The following CNTN5 variants were observed in gnomAD, a reference collection of about 807,000 sequenced individuals.
CNTN5 encodes contactin 5.
Under a neutral mutation model 129.1 loss-of-function variants are expected in CNTN5, and 77 were observed. The observed-to-expected ratio is 0.60, with a 90% CI of 0.50 to 0.72. The LOEUF (loss-of-function observed/expected upper bound fraction) is 0.72. Ranked by LOEUF, CNTN5 falls within the 30% of genes least tolerant of loss-of-function variation. The pLI is 0.00. For missense variants in CNTN5, 1,478 were observed against 1,328.8 expected, an observed-to-expected ratio of 1.11 and a Z score of -1.75; for synonymous variants, 509 against 465.6, an observed-to-expected ratio of 1.09 and a Z score of -1.20.
rs1465378990 is a variant in CNTN5 at position 100,161,348 on chromosome 11, T to C, written c.1581-29778T>C. Reference sequence around the variant, plus strand: ...GAGAATCAGACAATTGAAGGACATTTCTAGCAGACTGACTTGGTAAATATT... The same window carrying C: ...GAGAATCAGACAATTGAAGGACATTCCTAGCAGACTGACTTGGTAAATATT... On this transcript the variant is annotated intron_variant, in intron 13 of 24. Transcript: ENST00000524871. 4.6e-5 allele frequency among the ~76,000 whole-genome samples: 7 copies of C among 151,866 alleles called. No individual in the cohort carries two copies. In the East Asian group the frequency reaches 1.4e-3, roughly 29 times the overall value.
intron 2 of CNTN5, among the ~76,000 whole-genome samples, chr11:99,442,317 G>C (rs575113897): frequency 6.6e-6 from 1 of 152,120 alleles, no homozygotes. Context: ...TTACAGGCAT[G>C]TGCCACCATG....
At chr11:99,741,855 T>G (rs1943897595) in intron 3 of CNTN5, among the ~76,000 whole-genome samples, 1 of 152,148 alleles carries the variant, frequency 6.6e-6, no homozygotes, top group African/African-American at 2.4e-5. Flanking sequence ...TTATACATTA[T>G]TATATAGACA....
intron 2 of CNTN5, among the ~76,000 whole-genome samples, chr11:99,467,181 A>C (rs1484920880): frequency 6.6e-6 from 1 of 152,170 alleles, no homozygotes; most frequent in Non-Finnish European, 1.5e-5. Context: ...AAACAAACTG[A>C]TATAAAACAA....
chr11:99,879,614 C>A (rs1325878994), intron 6 of CNTN5, among the ~76,000 whole-genome samples: 1 of 152,032 alleles, frequency 6.6e-6, no homozygotes, highest in Non-Finnish European at 1.5e-5. Flanking sequence ...TGATTTGTTT[C>A]ATTTTGTTTT....
intron 6 of CNTN5, among the ~76,000 whole-genome samples, chr11:99,849,156 T>C (rs995188609): frequency 6.6e-6 from 1 of 151,824 alleles, no homozygotes; most frequent in African/African-American, 2.4e-5. Flanking sequence ...TATACTAACA[T>C]AATATCAAAT....
At chr11:100,348,378 G>A (rs1295973561) in intron 23 of CNTN5, among the ~76,000 whole-genome samples, 1 of 151,830 alleles carries the variant, frequency 6.6e-6, no homozygotes, top group Admixed American at 6.6e-5. Context: ...CATCTCCCTG[G>A]ATATATTGGC....
rs140949121 is a variant in CNTN5 at position 99,162,908 on chromosome 11, G to A, written c.-210+141638G>A. The stretch of plus-strand genomic sequence containing the variant: ...AAGGCAACCATTTGTCAATTTAAAC[G>A]GGTAAGTTTTACCTTTTGTTTTTAG... On this transcript the variant is annotated intron_variant, in intron 1 of 24. Transcript: ENST00000524871. Among the ~76,000 whole-genome samples, 325 of 152,268 alleles carry A rather than the reference G, an allele frequency of 2.1e-3. 2 individuals are homozygous for A. Among genetic ancestry groups the A allele is most frequent in the African/African-American group, 7.6e-3 (316 of 41,544 alleles).
chr11:99,120,007 T>A (rs1858229399), intron 1 of CNTN5, among the ~76,000 whole-genome samples: 1 of 152,206 alleles, frequency 6.6e-6, no homozygotes, highest in Admixed American at 6.5e-5. Context: ...AAGTTCTGTG[T>A]AGATGCTGGA....
intron 3 of CNTN5, among the ~76,000 whole-genome samples, chr11:99,805,062 A>C (rs1268078840): frequency 6.6e-6 from 1 of 152,136 alleles, no homozygotes; most frequent in Non-Finnish European, 1.5e-5. Context: ...AATGGAATAT[A>C]TAAATTTCGA....
intron 1 of CNTN5, among the ~76,000 whole-genome samples, chr11:99,257,246 C>T (rs1414530457): frequency 3.3e-5 from 5 of 152,056 alleles, no homozygotes; most frequent in Non-Finnish European, 7.4e-5. Context: ...GGAAAAGGTG[C>T]CATGTGAATA....
chr11:100,031,486 C>T (rs1367278866), intron 9 of CNTN5, among the ~76,000 whole-genome samples: 1 of 152,144 alleles, frequency 6.6e-6, no homozygotes, highest in Non-Finnish European at 1.5e-5. Flanking sequence ...GGGCGCCTGT[C>T]CATACAGATA....
At chr11:99,328,907 GAA>G (rs59341657) in intron 2 of CNTN5, among the ~76,000 whole-genome samples, 1 of 140,118 alleles carries the variant, frequency 7.1e-6, no homozygotes, top group African/African-American at 2.7e-5. Context: ...ACAGGAAAAA[GAA>G]AAAAAAACCT....
chr11:99,893,988 C>T (rs1747117706), intron 6 of CNTN5, among the ~76,000 whole-genome samples: 2 of 151,974 alleles, frequency 1.3e-5, no homozygotes, highest in Admixed American at 6.6e-5. Context: ...GTTGCCACTG[C>T]CTTGCCAGGG....
chr11:99,211,060 C>G (rs1859750826), intron 1 of CNTN5, among the ~76,000 whole-genome samples: 1 of 152,260 alleles, frequency 6.6e-6, no homozygotes, highest in African/African-American at 2.4e-5. Flanking sequence ...GAGACAACAT[C>G]ACTGTCACCT....
At chr11:100,285,844 C>G (rs1426930995) in intron 18 of CNTN5, among the ~76,000 whole-genome samples, 1 of 152,158 alleles carries the variant, frequency 6.6e-6, no homozygotes, top group Non-Finnish European at 1.5e-5. Context: ...ATCTGAGGTA[C>G]CGGGTTCATC....
chr11:99,308,231 GT>G (rs1296009289), intron 1 of CNTN5, among the ~76,000 whole-genome samples: 5 of 152,026 alleles, frequency 3.3e-5, no homozygotes, highest in Non-Finnish European at 7.4e-5. Context: ...TCTTCCATCA[GT>G]TCAAGAAATA....
chr11:99,849,148 T>C (rs1251481010), intron 6 of CNTN5, among the ~76,000 whole-genome samples: 1 of 151,850 alleles, frequency 6.6e-6, no homozygotes, highest in African/African-American at 2.4e-5. Context: ...GTTATCCATA[T>C]ACTAACATAA....
intron 2 of CNTN5, among the ~76,000 whole-genome samples, chr11:99,450,299 T>A (rs1210686020): frequency 6.6e-6 from 1 of 151,068 alleles, no homozygotes; most frequent in Non-Finnish European, 1.5e-5. Flanking sequence ...TGTGTATGTA[T>A]GTATATGTAT....
chr11:100,057,960 T>C (rs1257656182), intron 9 of CNTN5, among the ~76,000 whole-genome samples: 4 of 152,070 alleles, frequency 2.6e-5, no homozygotes, highest in South Asian at 2.1e-4. Flanking sequence ...TACGTTACAA[T>C]TGAGAAACCT....
Sources: gnomAD v4.1 joint callset for allele counts (sites outside exome capture counted in the v4.1 genomes callset) on GRCh38, gnomAD v4.1.1 for gene constraint, MANE v1.5 for transcripts, NCBI Gene and HGNC (gene_info 2026-07-23, HGNC 2026-07-21) for gene names.